DGKG: variants seen among roughly 807,000 people sequenced by gnomAD.
DGKG encodes diacylglycerol kinase gamma.
Under a neutral mutation model 105.3 loss-of-function variants are expected in DGKG, and 78 were observed. The ratio of observed to expected loss-of-function variants is 0.74; its 90% confidence interval spans 0.62 to 0.89. The LOEUF is 0.89. Ranked by LOEUF, DGKG falls within the 40% of genes least tolerant of loss-of-function variation. The pLI, the probability that DGKG is intolerant of heterozygous loss-of-function variation, is 0.00. For missense variants in DGKG, 958 were observed against 1,020.1 expected (o/e 0.94, Z 0.83); for synonymous variants, 346 against 367.1 (o/e 0.94, Z 0.66).
At chr3:186,283,517 C>T (rs186875010) in intron 7 of DGKG, among the ~76,000 whole-genome samples, 1 of 152,304 alleles carries the variant, frequency 6.6e-6, no homozygotes, top group Non-Finnish European at 1.5e-5. Context: ...GCTAAAGCTT[C>T]AACTTCTTCC....
At chr3:186,154,506 G>T (rs1395950797) in intron 24 of DGKG, among the ~76,000 whole-genome samples, 3 of 151,954 alleles carry the variant, frequency 2.0e-5, no homozygotes, top group Non-Finnish European at 4.4e-5. Flanking sequence ...TTAGCCAGGT[G>T]TGGTAGTGGG....
At chr3:186,229,428 A>G (rs1383395072) in intron 20 of DGKG, among the ~76,000 whole-genome samples, 1 of 152,008 alleles carries the variant, frequency 6.6e-6, no homozygotes, top group Non-Finnish European at 1.5e-5. Context: ...TGTTTTTAGT[A>G]GAGACGGGGT....
chr3:186,268,956 G>T, intron 11 of DGKG, 39 bp from the exon 12 acceptor site: 2 of 1,457,488 alleles, frequency 1.4e-6, no homozygotes, highest in South Asian at 1.1e-5. Context: ...GAAAATGGCA[G>T]AACCATGTCC....
At chr3:186,304,349 G>A (rs1421667008) in intron 3 of DGKG, among the ~76,000 whole-genome samples, 3 of 152,140 alleles carry the variant, frequency 2.0e-5, no homozygotes, top group Non-Finnish European at 2.9e-5. Flanking sequence ...TCTCAGTCTC[G>A]CCCCTGTTCT....
chr3:186,251,230 G>T (rs1721210188), intron 19 of DGKG, among the ~76,000 whole-genome samples: 1 of 152,206 alleles, frequency 6.6e-6, no homozygotes, highest in Non-Finnish European at 1.5e-5. Context: ...CAGCCTAAGG[G>T]GTCAGCTGGG....
chr3:186,316,397 A>G (rs1724821685), intron 2 of DGKG, among the ~76,000 whole-genome samples: 1 of 152,246 alleles, frequency 6.6e-6, no homozygotes, highest in Non-Finnish European at 1.5e-5. Flanking sequence ...ATATATGTAT[A>G]TGTGCTTGCA....
At chr3:186,194,122 A>T (rs1718052387) in intron 21 of DGKG, among the ~76,000 whole-genome samples, 1 of 152,206 alleles carries the variant, frequency 6.6e-6, no homozygotes, top group Non-Finnish European at 1.5e-5. Context: ...CCTTGGGAAG[A>T]CAATCCCCCC....
chr3:186,265,024 C>G (rs1560122841), intron 14 of DGKG, among the ~76,000 whole-genome samples: 1 of 152,182 alleles, frequency 6.6e-6, no homozygotes, highest in Non-Finnish European at 1.5e-5. Flanking sequence ...CCCAATAAGA[C>G]CAGCAATGGG....
At chr3:186,183,511 G>A (rs1717461174) in intron 22 of DGKG, among the ~76,000 whole-genome samples, 1 of 151,884 alleles carries the variant, frequency 6.6e-6, no homozygotes, top group Non-Finnish European at 1.5e-5. Context: ...TCTTGGGGGG[G>A]GGCGGGGTAA....
At chr3:186,162,036 A>G (rs1226224810) in intron 23 of DGKG, among the ~76,000 whole-genome samples, 7 of 152,146 alleles carry the variant, frequency 4.6e-5, no homozygotes, top group Admixed American at 4.6e-4. Flanking sequence ...ATGGGATTAC[A>G]GGCATGTGCC....
At chr3:186,317,946 T>A (rs1724895485) in intron 2 of DGKG, among the ~76,000 whole-genome samples, 1 of 152,110 alleles carries the variant, frequency 6.6e-6, no homozygotes, top group Non-Finnish European at 1.5e-5. Flanking sequence ...TGCATCCTGA[T>A]GTCATTTTCT....
At chr3:186,195,164 C>T (rs1718119099) in intron 21 of DGKG, among the ~76,000 whole-genome samples, 1 of 151,946 alleles carries the variant, frequency 6.6e-6, no homozygotes, top group East Asian at 1.9e-4. Flanking sequence ...AATAAACCCC[C>T]GTGTACCCCA....
intron 10 of DGKG, among the ~76,000 whole-genome samples, chr3:186,274,899 G>A (rs1005534160): frequency 7.2e-5 from 11 of 152,092 alleles, no homozygotes; most frequent in Non-Finnish European, 1.6e-4. Context: ...TTGGGTATAT[G>A]CCCAGTAATG....
chr3:186,321,464 A>T (rs1725072089), intron 1 of DGKG, among the ~76,000 whole-genome samples: 1 of 152,260 alleles, frequency 6.6e-6, no homozygotes, highest in Admixed American at 6.5e-5. Flanking sequence ...ACCCATGGTT[A>T]TACTGATCAT....
intron 20 of DGKG, 62 bp from the exon 21 acceptor site, chr3:186,211,947 C>A: frequency 7.2e-7 from 1 of 1,379,836 alleles, no homozygotes; most frequent in South Asian, 1.2e-5. Context: ...TGTAAAATAG[C>A]TATGTTCTTT....
chr3:186,215,452 A>G (rs950529766), intron 20 of DGKG, among the ~76,000 whole-genome samples: 3 of 149,542 alleles, frequency 2.0e-5, no homozygotes, highest in Non-Finnish European at 4.4e-5. Context: ...GGAGTCATGG[A>G]CCATCCTCAA....
chr3:186,331,616 G>T (rs543775529), intron 1 of DGKG, among the ~76,000 whole-genome samples: 17 of 152,140 alleles, frequency 1.1e-4, no homozygotes, highest in Admixed American at 3.9e-4. Context: ...ATGCCCAGGT[G>T]GGGGAGCTGG....
intron 6 of DGKG, 147 bp downstream of exon 6, chr3:186,288,563 G>GCT: frequency 1.3e-6 from 1 of 776,784 alleles, no homozygotes; most frequent in Non-Finnish European, 2.0e-6. Context: ...TATCACTTTT[G>GCT]GTAACAGGAC....
At chr3:186,343,921 C>A (rs1726206203) in intron 1 of DGKG, among the ~76,000 whole-genome samples, 1 of 152,044 alleles carries the variant, frequency 6.6e-6, no homozygotes, top group South Asian at 2.1e-4. Flanking sequence ...ATACTGTTTT[C>A]CCTGGTTACC....
Sources: gnomAD v4.1 joint callset for allele counts (sites outside exome capture counted in the v4.1 genomes callset) on GRCh38, gnomAD v4.1.1 for gene constraint, MANE v1.5 for transcripts, NCBI Gene and HGNC (gene_info 2026-07-23, HGNC 2026-07-21) for gene names.